RPL5: variants seen among roughly 807,000 people sequenced by gnomAD.
RPL5 encodes the protein ribosomal protein L5.
RPL5 carries 1 observed loss-of-function variant against 38.4 expected under a neutral mutation model. The observed-to-expected ratio is 0.03, with a 90% CI of 0.01 to 0.12. The LOEUF is 0.12. Ranked by LOEUF, RPL5 falls within the 10% of genes least tolerant of loss-of-function variation. RPL5 has a pLI of 1.00. For missense variants in RPL5, 243 were observed against 374.1 expected, an observed-to-expected ratio of 0.65 and a Z score of 2.89; for synonymous variants, 109 against 121.2, an observed-to-expected ratio of 0.90 and a Z score of 0.66.
Position 92,832,094 on chromosome 1 carries a change from C to G in RPL5, c.-21C>G. 6.2e-7 allele frequency: 1 copy of G among 1,614,030 alleles called. No homozygotes were observed. The highest frequency in any genetic ancestry group is 8.5e-7 in the Non-Finnish European group (1 of 1,179,958). Reference sequence around the variant, plus strand: ...CTGCAGGTCTCTGTCGAGCAGCGGACGCCGGTCTCTGTTCCGCAGGATGGT... The same window carrying G: ...CTGCAGGTCTCTGTCGAGCAGCGGAGGCCGGTCTCTGTTCCGCAGGATGGT... On this transcript the variant is annotated 5_prime_UTR_variant, in exon 1 of 8. Transcript: ENST00000370321.
At chr1:92,841,700 T>A (rs922814753) in intron 7 of RPL5, 66 bp from the exon 8 acceptor site, 3 of 1,015,500 alleles carry the variant, frequency 3.0e-6, no homozygotes, top group African/African-American at 3.3e-5. Flanking sequence ...TTTATTAAAA[T>A]TTTAAATTAA....
At chr1:92,835,032 C>T (rs1687063137) in intron 4 of RPL5, 119 bp downstream of exon 4, 1 of 1,434,354 alleles carries the variant, frequency 7.0e-7, no homozygotes, top group South Asian at 1.2e-5. Flanking sequence ...GTGCTTGCTT[C>T]CAGTTTTCTG....
At chr1:92,837,407 A>G (rs753066236) in intron 5 of RPL5, 49 bp from the exon 6 acceptor site, 45 of 1,511,556 alleles carry the variant, frequency 3.0e-5, no homozygotes, top group Non-Finnish European at 1.8e-6. Flanking sequence ...TCTTACTAGT[A>G]AACTAAGTTA....
chr1:92,839,313 C>T (rs976948423), intron 6 of RPL5, among the ~76,000 whole-genome samples: 3 of 152,110 alleles, frequency 2.0e-5, no homozygotes, highest in Admixed American at 6.6e-5. Flanking sequence ...GAGCTGGGAT[C>T]GCGCTACTGC....
chr1:92,841,673 C>A lies in RPL5; in HGVS notation c.795-93C>A, dbSNP rs1405546101. On this transcript the variant is annotated intron_variant, in intron 7 of 7. Transcript: ENST00000370321. ...TTCTGATTGCAAAGTCTTAAATATTCTCTATCAAAATTAAATTTTATTAAA... is the reference window on the plus strand; with the variant it reads ...TTCTGATTGCAAAGTCTTAAATATTATCTATCAAAATTAAATTTTATTAAA... 1.1e-5 allele frequency: 8 copies of A among 754,498 alleles called. No homozygotes were observed. The South Asian group carries it at 1.2e-4, about 11-fold the overall frequency. 46.7% of individuals were successfully genotyped at this position (754,498 alleles called of 1,614,324 possible). A position where few individuals can be genotyped will look rare whatever the true frequency, so the allele number is the denominator to read the frequency against.
intron 1 of RPL5, 63 bp downstream of exon 1, chr1:92,832,180 G>A: frequency 6.2e-7 from 1 of 1,606,948 alleles, no homozygotes; most frequent in Non-Finnish European, 8.5e-7. Flanking sequence ...TTGCCCGTAT[G>A]CCAGCCTAGG....
rs1687176599 is a variant in RPL5, at chr1:92,837,525, C to T, written c.597C>T (p.Ile199=). 1 of 1,612,160 alleles carries T rather than the reference C, an allele frequency of 6.2e-7. No homozygotes were observed. The highest frequency in any genetic ancestry group is 1.3e-5 in the African/African-American group (1 of 74,858). The change falls in exon 6 of 8, where the codon ATC becomes ATT. Residue 199 remains isoleucine (I), a synonymous_variant. Transcript: ENST00000370321. ...ATGCAGAAGTACATCGGAAGCACAT[C>T]ATGGGCCAGAATGTTGCAGATTACA... ...EFNAEVHRKH[I]MGQNVADYMR...
At chr1:92,836,130 T>G in intron 4 of RPL5, 60 bp from the exon 5 acceptor site, 1 of 1,494,074 alleles carries the variant, frequency 6.7e-7, no homozygotes, top group Admixed American at 1.7e-5. Context: ...ACATAAGCTA[T>G]TTTAATTTTA....
chr1:92,835,115 C>T, intron 4 of RPL5: 3 of 704,262 alleles, frequency 4.3e-6, no homozygotes, highest in Non-Finnish European at 7.2e-6. Context: ...CTGTAATTTG[C>T]TGTCCAGTGG....
rs773325598 is a variant in RPL5, at chr1:92,837,527, T to C, written c.599T>C (p.Met200Thr). 1.6e-5 allele frequency: 26 copies of C among 1,612,162 alleles called. No homozygotes were observed. Among genetic ancestry groups the C allele is most frequent in the African/African-American group, 2.7e-5 (2 of 74,876 alleles). Residue 200 changes from methionine to threonine, a missense_variant, in exon 6 of 8, where the codon ATG (methionine) becomes ACG (threonine). By Grantham distance (81) the Met-to-Thr change is moderately conservative (BLOSUM62 -1). Transcript: ENST00000370321. ...FNAEVHRKHI[M>T]GQNVADYMRY... Reference sequence around the variant, plus strand: ...GCAGAAGTACATCGGAAGCACATCATGGGCCAGAATGTTGCAGATTACATG... The same window carrying C: ...GCAGAAGTACATCGGAAGCACATCACGGGCCAGAATGTTGCAGATTACATG...
chr1:92,841,181 C>T (rs1687350056), intron 7 of RPL5, among the ~76,000 whole-genome samples: 1 of 152,174 alleles, frequency 6.6e-6, no homozygotes, highest in Non-Finnish European at 1.5e-5. Context: ...CTATCATCTG[C>T]CCATTCTTTG....
intron 5 of RPL5, chr1:92,836,639 A>G (rs541039480): frequency 1.4e-5 from 7 of 512,622 alleles, no homozygotes; most frequent in East Asian, 3.7e-5. Context: ...GATGGGATTG[A>G]AACCACTACC....
intron 1 of RPL5, chr1:92,832,370 G>C: frequency 1.6e-6 from 1 of 630,534 alleles, no homozygotes; most frequent in Admixed American, 2.4e-5. Flanking sequence ...GGTGAGTTTA[G>C]TAGACAGCCT....
intron 6 of RPL5, among the ~76,000 whole-genome samples, chr1:92,838,170 A>G (rs529156773): frequency 6.6e-6 from 1 of 152,308 alleles, no homozygotes; most frequent in Non-Finnish European, 1.5e-5. Flanking sequence ...TGGCATAGCT[A>G]TTGGTTAGGA....
At chr1:92,835,096 GAC>G (rs1687065563) in intron 4 of RPL5, 183 bp downstream of exon 4, 2 of 810,000 alleles carry the variant, frequency 2.5e-6, no homozygotes, top group South Asian at 3.2e-5. Context: ...TTTCTGCAAT[GAC>G]ACAAATCTGT....
chr1:92,833,400 A>G lies in RPL5; in HGVS notation c.15A>G (p.Lys5=), dbSNP rs376226148. MGFV[K]VVKNKAYFKR... The stretch of plus-strand genomic sequence containing the variant: ...CTTTTTTCTTTAAGGGGTTTGTTAA[A>G]GTTGTTAAGAATAAGGCCTACTTTA... Residue 5 remains lysine (K), a synonymous_variant, in exon 2 of 8, where the codon AAA becomes AAG. Coordinates refer to ENST00000370321, the MANE Select transcript of RPL5 (RefSeq NM_000969.5). 4 of 1,613,024 alleles carry G rather than the reference A, an allele frequency of 2.5e-6. No homozygotes were observed. Among genetic ancestry groups the G allele is most frequent in the Non-Finnish European group, 3.4e-6 (4 of 1,179,120 alleles).
rs144459562 is a variant in RPL5 at position 92,834,988 on chromosome 1, A to G, written c.324+75A>G. 6.6e-5 allele frequency: 105 copies of G among 1,586,224 alleles called. No homozygotes were observed. The East Asian group carries it at 1.9e-3, about 29-fold the overall frequency. ...AGAGTTTTCTGCAAGATGTTTGTACATGGATAAGATAGCTTAAGTTGTGCT... is the reference window on the plus strand; with the variant it reads ...AGAGTTTTCTGCAAGATGTTTGTACGTGGATAAGATAGCTTAAGTTGTGCT... On this transcript the variant is annotated intron_variant, in intron 4 of 7. Transcript: ENST00000370321.
intron 3 of RPL5, 69 bp downstream of exon 3, chr1:92,833,729 T>C: frequency 8.0e-7 from 1 of 1,252,302 alleles, no homozygotes; most frequent in Non-Finnish European, 1.2e-6. Flanking sequence ...GCAAAGCACA[T>C]GGTGTGTGTG....
chr1:92,837,768 A>T, intron 6 of RPL5, 135 bp downstream of exon 6: 1 of 746,062 alleles, frequency 1.3e-6, no homozygotes, highest in Non-Finnish European at 2.3e-6. Flanking sequence ...ACATTCTTTT[A>T]GTAATCTTTT....
Sources: allele counts gnomAD v4.1 joint callset (sites outside exome capture counted in the v4.1 genomes callset), GRCh38; gene constraint gnomAD v4.1.1; transcripts MANE v1.5; gene names NCBI Gene and HGNC (gene_info 2026-07-23, HGNC 2026-07-21).